The following MYO16 variants were observed in gnomAD, a reference collection of about 807,000 sequenced individuals.
The protein encoded by MYO16 is myosin XVI.
Under a neutral mutation model 205.3 loss-of-function variants are expected in MYO16, and 94 were observed. The ratio of observed to expected loss-of-function variants is 0.46; its 90% CI spans 0.39 to 0.54. MYO16 has a LOEUF of 0.54. Among genes scored for constraint, MYO16 ranks in the 20% least tolerant of loss-of-function variants. MYO16 has a pLI of 0.00. For synonymous variants in MYO16, 988 were observed against 954.0 expected (o/e 1.04, Z -0.66); for missense variants, 2,315 against 2,387.5 (o/e 0.97, Z 0.63).
intron 21 of MYO16, among the ~76,000 whole-genome samples, chr13:108,993,059 CA>C (rs1371873216): frequency 6.6e-6 from 1 of 151,930 alleles, no homozygotes; most frequent in African/African-American, 2.4e-5. Context: ...CCTTATCAAA[CA>C]GAGGAGAAAA....
the MYO16 span, among the ~76,000 whole-genome samples, chr13:108,582,013 G>C: frequency 6.6e-6 from 1 of 151,882 alleles, no homozygotes; most frequent in Non-Finnish European, 1.5e-5. Flanking sequence ...TATATTCATT[G>C]CTTCATTTGA....
chr13:108,711,118 T>A (rs1205378832), intron 2 of MYO16, among the ~76,000 whole-genome samples: 1 of 152,124 alleles, frequency 6.6e-6, no homozygotes. Flanking sequence ...GAAGAGCATC[T>A]CCATACCACG....
At chr13:109,200,172 T>C (rs1392303125) in intron 34 of MYO16, among the ~76,000 whole-genome samples, 1 of 152,190 alleles carries the variant, frequency 6.6e-6, no homozygotes, top group Non-Finnish European at 1.5e-5. Context: ...TTGAAGGTAG[T>C]GGCCTATCAT....
At chr13:109,168,584 G>A (rs1878791796) in intron 33 of MYO16, among the ~76,000 whole-genome samples, 1 of 152,082 alleles carries the variant, frequency 6.6e-6, no homozygotes. Flanking sequence ...AATCAGCTGG[G>A]CTTGGTGGTA....
chr13:108,568,930 C>T, the MYO16 span, among the ~76,000 whole-genome samples: 1 of 151,854 alleles, frequency 6.6e-6, no homozygotes, highest in African/African-American at 2.4e-5. Flanking sequence ...TTCCTGAAAA[C>T]CTATTATTTT....
At chr13:108,740,944 T>C (rs1466540837) in intron 4 of MYO16, among the ~76,000 whole-genome samples, 1 of 152,170 alleles carries the variant, frequency 6.6e-6, no homozygotes, top group South Asian at 2.1e-4. Flanking sequence ...ATGTTGGGGA[T>C]ATAATCTCCT....
chr13:108,870,342 T>A (rs905071887), intron 12 of MYO16, among the ~76,000 whole-genome samples: 5 of 152,026 alleles, frequency 3.3e-5, no homozygotes, highest in African/African-American at 1.2e-4. Flanking sequence ...AAGATAAGCC[T>A]CCAATTTTTC....
intron 27 of MYO16, among the ~76,000 whole-genome samples, chr13:109,086,697 G>T (rs1888444369): frequency 6.6e-6 from 1 of 151,962 alleles, no homozygotes; most frequent in African/African-American, 2.4e-5. Context: ...TGACAATTTG[G>T]TGCACAAATT....
rs1259413103 is a variant in MYO16 at position 108,988,396 on chromosome 13, G to T, written c.2370-3980G>T. Among the ~76,000 whole-genome samples, 3 of 151,948 alleles carry T rather than the reference G, an allele frequency of 2.0e-5. No homozygotes were observed. The East Asian group carries it at 5.8e-4, about 29-fold the overall frequency. ...TAATTGCAAAAGTCGTCCTTAAAATGCTTTAAACTTGCATTTAGTTTTTCT... is the reference window on the plus strand; with the variant it reads ...TAATTGCAAAAGTCGTCCTTAAAATTCTTTAAACTTGCATTTAGTTTTTCT... On this transcript the variant is annotated intron_variant, in intron 20 of 34. Transcript: ENST00000457511.
chr13:108,769,869 G>A (rs1300814886), intron 4 of MYO16, among the ~76,000 whole-genome samples: 1 of 152,176 alleles, frequency 6.6e-6, no homozygotes. Flanking sequence ...AATGTATTAA[G>A]CACCCTAATA....
intron 16 of MYO16, among the ~76,000 whole-genome samples, chr13:108,951,182 A>G (rs1307775066): frequency 2.0e-5 from 3 of 152,206 alleles, no homozygotes; most frequent in African/African-American, 4.8e-5. Flanking sequence ...AACGATTGGT[A>G]TGCACCACGA....
At chr13:108,700,574 A>G (rs1460384022) in intron 2 of MYO16, among the ~76,000 whole-genome samples, 1 of 152,172 alleles carries the variant, frequency 6.6e-6, no homozygotes, top group African/African-American at 2.4e-5. Flanking sequence ...CAAAAACACC[A>G]TTCTTAGGAG....
intron 1 of MYO16, among the ~76,000 whole-genome samples, chr13:108,654,032 G>A (rs1048831646): frequency 1.3e-5 from 2 of 152,018 alleles, no homozygotes; most frequent in African/African-American, 4.8e-5. Context: ...GAGTGTCTCT[G>A]CTTGAGTCAA....
chr13:108,720,658 G>T (rs1260954778), intron 3 of MYO16, among the ~76,000 whole-genome samples: 2 of 152,098 alleles, frequency 1.3e-5, no homozygotes, highest in African/African-American at 2.4e-5. Context: ...GATCAAACTG[G>T]ATGTTTCCTA....
chr13:108,934,511 A>G (rs530842641), intron 16 of MYO16, among the ~76,000 whole-genome samples: 23 of 152,106 alleles, frequency 1.5e-4, no homozygotes, highest in Admixed American at 2.6e-4. Flanking sequence ...TGTCAAATGC[A>G]TAGTTTGTAA....
At chr13:109,153,842 C>A (rs1414680259) in intron 32 of MYO16, among the ~76,000 whole-genome samples, 2 of 152,192 alleles carry the variant, frequency 1.3e-5, no homozygotes, top group African/African-American at 4.8e-5. Flanking sequence ...CACCACCGAC[C>A]TGCCTGGCCA....
At chr13:108,869,497 G>A (rs1006550161) in intron 12 of MYO16, among the ~76,000 whole-genome samples, 1 of 151,516 alleles carries the variant, frequency 6.6e-6, no homozygotes, top group Non-Finnish European at 1.5e-5. Context: ...GGCCGAGGCG[G>A]GCGAATCACG....
chr13:108,806,510 A>G (rs1223647578), intron 6 of MYO16, among the ~76,000 whole-genome samples, 169 bp from the exon 7 acceptor site: 7 of 152,208 alleles, frequency 4.6e-5, no homozygotes, highest in Admixed American at 4.6e-4. Flanking sequence ...ACTGATAATT[A>G]CACCCATTTA....
intron 2 of MYO16, among the ~76,000 whole-genome samples, chr13:108,707,051 C>A (rs985087853): frequency 1.3e-5 from 2 of 152,240 alleles, no homozygotes; most frequent in African/African-American, 4.8e-5. Flanking sequence ...TCTTGAGCAT[C>A]CTGTGAGTGC....
Sources: gnomAD v4.1 joint callset for allele counts (sites outside exome capture counted in the v4.1 genomes callset) on GRCh38, gnomAD v4.1.1 for gene constraint, MANE v1.5 for transcripts, NCBI Gene and HGNC (gene_info 2026-07-23, HGNC 2026-07-21) for gene names.